Variants in ABCA7 observed in about 807,000 individuals in gnomAD.
The protein encoded by ABCA7 is phospholipid-transporting ATPase ABCA7.
In ABCA7, 261 loss-of-function variants were observed where a neutral mutation model predicts 227.6. The ratio of observed to expected loss-of-function variants is 1.15; its 90% confidence interval spans 1.04 to 1.27. The LOEUF is 1.27. ABCA7 is among the 50% of genes most tolerant of loss of function. The probability of loss-of-function intolerance (pLI) is 0.00; values close to 1 mark genes in which losing one functional copy is unlikely to be tolerated. For synonymous variants in ABCA7, 1,488 were observed against 1,279.7 expected (o/e 1.16, Z -3.47); for missense variants, 3,331 against 2,924.5 (o/e 1.14, Z -3.21).
chr19:1,042,258 T>G lies in ABCA7; in HGVS notation c.416-57T>G, dbSNP rs1333487692. The G allele has an allele frequency of 2.9e-5, 45 of 1,569,300 alleles. No individual in the cohort carries two copies. The East Asian group carries it at 9.3e-4, about 32-fold the overall frequency. ...CCGTGAAATGGGCACAGGGTGGGGG[T>G]GGGTGCCTCAGACCAACGTCCCCCC... On this transcript the variant is annotated intron_variant, in intron 5 of 46. Transcript: ENST00000263094.
At chr19:1,064,712 C>T in intron 45 of ABCA7, 1 of 746,336 alleles carries the variant, frequency 1.3e-6, no homozygotes, top group Non-Finnish European at 2.0e-6. Context: ...GAGACCCCAT[C>T]TCTATAAAAA....
chr19:1,046,287 C>T lies in ABCA7; in HGVS notation c.1503C>T (p.Gly501=). The change falls in exon 13 of 47, where the codon GGC becomes GGT. Residue 501 remains glycine (G), a synonymous_variant. Coordinates refer to ENST00000263094, the MANE Select transcript of ABCA7 (RefSeq NM_019112.4). ...TGACCGACCTGCGCTACGTGTGGGGCGGCTTCGTGTACCTGCAAGACCTGG... is the reference window on the plus strand; with the variant it reads ...TGACCGACCTGCGCTACGTGTGGGGTGGCTTCGTGTACCTGCAAGACCTGG... ...DPLTDLRYVW[G]GFVYLQDLVE... 1.9e-6 allele frequency: 3 copies of T among 1,606,232 alleles called. No homozygotes were observed. The highest frequency in any genetic ancestry group is 1.7e-6 in the Non-Finnish European group (2 of 1,179,704).
In ABCA7 at chr19:1,046,902, A is replaced by T. The variant is rs770754944; in HGVS notation, c.1723A>T (p.Thr575Ser). Residue 575 changes from threonine (T) to serine (S), a missense_variant, in exon 14 of 47, where the codon ACG becomes TCG. Thr to Ser is a moderately conservative substitution (Grantham distance 58, BLOSUM62 1). Transcript: ENST00000263094. ...GAAGGCCGTGGTGCGGGAGAAGGAG[A>T]CGCGGCTGCGGGACACCATGCGCGC... is the stretch of plus-strand genomic sequence containing the variant. ...TVKAVVREKE[T>S]RLRDTMRAMG... The T allele has an allele frequency of 2.1e-5, 33 of 1,554,784 alleles. No individual in the cohort carries two copies. Among genetic ancestry groups the T allele is most frequent in the Admixed American group, 3.9e-5 (2 of 51,604 alleles).
In ABCA7 at chr19:1,042,729, G is replaced by A; in HGVS notation, c.499-17G>A. On this transcript the variant is annotated splice_polypyrimidine_tract_variant and intron_variant, in intron 6 of 46. Coordinates refer to ENST00000263094, the MANE Select transcript of ABCA7 (RefSeq NM_019112.4). ...AGTGTTCAAAATCATTGTCCCCCTT[G>A]TGGTCTTTCTCCCCAGGAATCCCTG... The A allele has an allele frequency of 6.2e-7, 1 of 1,612,854 alleles. No individual in the cohort carries two copies. Among genetic ancestry groups the A allele is most frequent in the Non-Finnish European group, 8.5e-7 (1 of 1,179,328 alleles).
chr19:1,043,912 A>T, intron 10 of ABCA7, 71 bp downstream of exon 10: 1 of 1,328,730 alleles, frequency 7.5e-7, no homozygotes, highest in African/African-American at 1.5e-5. Flanking sequence ...GGTGGATGGG[A>T]AGGTGGGCTC....
intron 18 of ABCA7, 32 bp from the exon 19 acceptor site, chr19:1,050,889 A>C (rs759733554): frequency 6.6e-7 from 1 of 1,522,192 alleles, no homozygotes; most frequent in African/African-American, 1.4e-5. Context: ...CACTCTGTGA[A>C]GGGGGCTACT....
At position 1,046,882 on chromosome 19, in the gene ABCA7, C is replaced by A; in HGVS notation, c.1703C>A (p.Ala568Asp). Residue 568 changes from alanine (A) to aspartate (D), a missense_variant, in exon 14 of 47, where the codon GCC (alanine) becomes GAC (aspartate). Physicochemically the swap from Ala to Asp is moderately radical, Grantham distance 126. Coordinates refer to ENST00000263094, the MANE Select transcript of ABCA7 (RefSeq NM_019112.4). Reference protein sequence around the residue: ...WIYSVTLTVKAVVREKETRLR... With the variant: ...WIYSVTLTVKDVVREKETRLR... The stretch of plus-strand genomic sequence containing the variant: ...TACTCCGTGACACTGACAGTGAAGG[C>A]CGTGGTGCGGGAGAAGGAGACGCGG... The A allele has an allele frequency of 6.5e-7, 1 of 1,548,556 alleles. No individual in the cohort carries two copies. Among genetic ancestry groups the A allele is most frequent in the Admixed American group, 1.9e-5 (1 of 51,310 alleles).
rs542094361 is a variant in ABCA7, at chr19:1,064,364, G to C, written c.6044+111G>C. On this transcript the variant is annotated intron_variant, in intron 45 of 46. Transcript: ENST00000263094. ...TGAGGAAAGTTTGGCTCCAACTGGA[G>C]AGATGGCCAAGGCTTTAGATTGTCC... 43 of 1,217,514 alleles carry C rather than the reference G, an allele frequency of 3.5e-5. 2 individuals carry two copies. In the South Asian group the frequency reaches 5.3e-4, roughly 15 times the overall value. The allele number at this position is 1,217,514 out of a possible 1,614,324, so 75.4% of individuals were successfully genotyped here. A position where few individuals can be genotyped will look rare whatever the true frequency, so the allele number is the denominator to read the frequency against.
intron 41 of ABCA7, 68 bp from the exon 42 acceptor site, chr19:1,062,104 C>G (rs764275585): frequency 1.2e-5 from 19 of 1,580,694 alleles, no homozygotes; most frequent in Non-Finnish European, 1.6e-5. Flanking sequence ...CCCTGAGACC[C>G]CTGTGTTAGC....
At chr19:1,058,428 C>A (rs2042432512) in intron 37 of ABCA7, among the ~76,000 whole-genome samples, 159 bp downstream of exon 37, 1 of 152,044 alleles carries the variant, frequency 6.6e-6, no homozygotes, top group South Asian at 2.1e-4. Flanking sequence ...TACAAGAAAG[C>A]AGCCATAAAA....
intron 40 of ABCA7, 159 bp downstream of exon 40, chr19:1,059,244 TA>T (rs2042492201): frequency 1.7e-5 from 5 of 289,516 alleles, no homozygotes; most frequent in Non-Finnish European, 2.9e-5. Context: ...TATTTTATTA[TA>T]TTATTATTTA....
rs766511459 is a variant in ABCA7 at position 1,063,666 on chromosome 19, C to A, written c.5835C>A (p.Ala1945=). 6 of 1,604,286 alleles carry A rather than the reference C, an allele frequency of 3.7e-6. No homozygotes were observed. The stretch of plus-strand genomic sequence containing the variant: ...CCCTGGCGCTGGTTGGGGACCCAGC[C>A]GTGGTGTTTCTGGTGCGTGGGAGCG... The part of the protein sequence containing the change: ...ATALALVGDP[A]VVFLDEPTTG... The change falls in exon 43 of 47, where the codon GCC becomes GCA. Residue 1945 remains alanine (A), a synonymous_variant. Transcript: ENST00000263094.
chr19:1,059,023 G>C lies in ABCA7; in HGVS notation c.5401G>C (p.Val1801Leu). 3.7e-6 allele frequency: 6 copies of C among 1,613,910 alleles called. No individual in the cohort carries two copies. Among genetic ancestry groups the C allele is most frequent in the Non-Finnish European group, 5.1e-6 (6 of 1,179,974 alleles). The change falls in exon 40 of 47, where the codon GTA becomes CTA. Residue 1801 changes from valine to leucine, a missense_variant and splice_region_variant. Coordinates refer to ENST00000263094, the MANE Select transcript of ABCA7 (RefSeq NM_019112.4). ...TTCTGAAAGACCTGCACTCTCCCAG[G>C]TATACCGTGGGCAGAGGATGCCAGC... ...DVLVLRNLTK[V>L]YRGQRMPAVD...
intron 29 of ABCA7, 56 bp from the exon 30 acceptor site, chr19:1,055,041 A>C: frequency 1.9e-6 from 3 of 1,554,312 alleles, no homozygotes; most frequent in Non-Finnish European, 2.6e-6. Flanking sequence ...GGGTGCCCAC[A>C]GACCTTCACC....
Position 1,051,601 on chromosome 19 carries a change from T to C in ABCA7, c.2962+15T>C. The C allele has an allele frequency of 6.2e-7, 1 of 1,604,728 alleles. No homozygotes were observed. Among genetic ancestry groups the C allele is most frequent in the East Asian group, 2.2e-5 (1 of 44,688 alleles). On this transcript the variant is annotated intron_variant, in intron 21 of 46. Coordinates refer to ENST00000263094, the MANE Select transcript of ABCA7 (RefSeq NM_019112.4). ...ATACCGAGAAGGTAAGAGCTGGGGA[T>C]TCTGCTCGAGGGGCCAGAAAAGGCT...
Position 1,054,082 on chromosome 19 carries a change from GGAGACAGCGCTGGAGAACGGGGAA to G in ABCA7, c.3550_3573del (p.Glu1184_Glu1191del), listed in dbSNP as rs2042024600. 1 of 1,613,192 alleles carries G rather than the reference GGAGACAGCGCTGGAGAACGGGGAA, an allele frequency of 6.2e-7. No individual in the cohort carries two copies. The highest frequency in any genetic ancestry group is 1.3e-5 in the African/African-American group (1 of 74,888). ...CCCTACGGCTCAAGATGCCGCCACA[GGAGACAGCGCTGGAGAACGGGGAA>G]CCAGGTAAGTCCTTCCCAGTGGCCC... On this transcript the variant is annotated inframe_deletion, in exon 26 of 47. Transcript: ENST00000263094. This position sits in a 1 kb window ranked among gnomAD's most constrained non-coding sequence, Gnocchi z 4.8.
At position 1,042,660 on chromosome 19, in the gene ABCA7, G is replaced by A. The variant is rs146770846; in HGVS notation, c.499-86G>A. On this transcript the variant is annotated intron_variant, in intron 6 of 46. Transcript: ENST00000263094. ...TATTTGTAAAGTGGGGGCTATGATA[G>A]TATGGTCTGCCTGGGAACTGGCCAG... 1.3e-3 allele frequency: 1,781 copies of A among 1,369,930 alleles called. 16 individuals are homozygous for A. The African/African-American group carries it at 0.021, about 16-fold the overall frequency. The allele number at this position is 1,369,930 out of a possible 1,614,324, so 84.9% of individuals were successfully genotyped here. A position where few individuals can be genotyped will look rare whatever the true frequency, so the allele number is the denominator to read the frequency against.
chr19:1,054,233 C>T lies in ABCA7; in HGVS notation c.3618C>T (p.Asp1206=), dbSNP rs150120455. ...APETDQGSGP[D]AVGRVQGWAL... ...AGACTGACCAGGGCTCTGGGCCAGA[C>T]GCCGTGGGCCGGGTACAGGGCTGGG... The change falls in exon 27 of 47, where the codon GAC becomes GAT. Residue 1206 remains aspartate, a synonymous_variant. Coordinates refer to ENST00000263094, the MANE Select transcript of ABCA7 (RefSeq NM_019112.4). This position sits in a 1 kb window ranked among gnomAD's most constrained non-coding sequence, Gnocchi z 4.8. 49 of 1,608,240 alleles carry T rather than the reference C, an allele frequency of 3.0e-5. No individual in the cohort carries two copies. Among genetic ancestry groups the T allele is most frequent in the Admixed American group, 2.2e-4 (13 of 59,820 alleles).
intron 21 of ABCA7, 39 bp from the exon 22 acceptor site, chr19:1,051,903 C>A: frequency 6.3e-7 from 1 of 1,597,210 alleles, no homozygotes; most frequent in Non-Finnish European, 8.5e-7. Flanking sequence ...AAAGACGCGG[C>A]GGCCTGATGG....
Sources: allele counts gnomAD v4.1 joint callset (sites outside exome capture counted in the v4.1 genomes callset), GRCh38; gene constraint gnomAD v4.1.1; non-coding constraint Gnocchi (gnomAD v3.1); transcripts MANE v1.5; gene names NCBI Gene and HGNC (gene_info 2026-07-23, HGNC 2026-07-21).